The following GPHN variants were observed in gnomAD, a reference collection of about 807,000 sequenced individuals.
GPHN encodes gephyrin.
Under a neutral mutation model 95.5 loss-of-function variants are expected in GPHN, and 17 were observed. The ratio of observed to expected loss-of-function variants is 0.18; its 90% CI spans 0.12 to 0.27. The LOEUF is 0.27. GPHN is among the 10% of genes least tolerant of loss of function. GPHN has a pLI of 1.00. For synonymous variants in GPHN, 320 were observed against 322.5 expected (o/e 0.99, Z 0.08); for missense variants, 660 against 978.1 (o/e 0.67, Z 4.34).
At chr14:67,563,764 T>C in the GPHN span, among the ~76,000 whole-genome samples, 1 of 145,438 alleles carries the variant, frequency 6.9e-6, no homozygotes, top group South Asian at 2.2e-4. Context: ...GACAGAGTCT[T>C]GCTCTGTCAC....
At chr14:67,165,067 A>G in intron 19 of GPHN, 95 bp from the exon 20 acceptor site, 1 of 837,354 alleles carries the variant, frequency 1.2e-6, no homozygotes. Flanking sequence ...TGTTTTTTAT[A>G]TGATAAGTGT....
the GPHN span, chr14:67,690,243 G>A: frequency 5.0e-6 from 8 of 1,613,892 alleles, no homozygotes; most frequent in South Asian, 2.2e-5. Flanking sequence ...CCTGGGTGAA[G>A]AGGATGTTGG....
intron 1 of GPHN, among the ~76,000 whole-genome samples, chr14:66,516,173 ATT>A (rs1415948060): frequency 0.041 from 5,747 of 138,880 alleles, 150 homozygotes; most frequent in Middle Eastern, 0.073. Flanking sequence ...TGCCTGGCTA[ATT>A]TTTTTTTTTT....
the GPHN span, among the ~76,000 whole-genome samples, chr14:67,643,661 AAAAT>A: frequency 6.6e-6 from 1 of 152,118 alleles, no homozygotes; most frequent in Admixed American, 6.6e-5. Context: ...AGGTCTCTTA[AAAAT>A]AAATAAATAA....
At chr14:67,615,104 T>G in the GPHN span, 2 of 152,110 alleles carry the variant, frequency 1.3e-5, no homozygotes, top group Non-Finnish European at 2.9e-5. Context: ...AGAGGCCAAA[T>G]CTCTAGATCC....
the GPHN span, among the ~76,000 whole-genome samples, chr14:67,328,839 C>G: frequency 3.3e-5 from 5 of 152,090 alleles, no homozygotes; most frequent in Non-Finnish European, 5.9e-5. Context: ...TGGTCTGTAT[C>G]TCTGTTTTGG....
chr14:66,927,414 G>A (rs2066540258), intron 8 of GPHN, among the ~76,000 whole-genome samples: 1 of 151,306 alleles, frequency 6.6e-6, no homozygotes, highest in African/African-American at 2.4e-5. Context: ...CCACTTTACT[G>A]AATTTGCTTA....
chr14:66,809,912 A>T (rs2060692934), intron 3 of GPHN, among the ~76,000 whole-genome samples: 1 of 152,092 alleles, frequency 6.6e-6, no homozygotes, highest in Non-Finnish European at 1.5e-5. Flanking sequence ...ACTTAGTATT[A>T]CCATTGTATA....
the GPHN span, chr14:67,706,233 A>G: frequency 6.6e-6 from 1 of 152,386 alleles, no homozygotes; most frequent in Admixed American, 6.5e-5. Context: ...AGCCTGGGCA[A>G]CATAGCAATG....
chr14:67,138,653 T>A (rs1052468821), intron 17 of GPHN, among the ~76,000 whole-genome samples: 1 of 152,136 alleles, frequency 6.6e-6, no homozygotes, highest in Non-Finnish European at 1.5e-5. Context: ...GTTATACTGT[T>A]ATGTTGGAAA....
chr14:66,942,990 A>C (rs900708400), intron 8 of GPHN, among the ~76,000 whole-genome samples: 2 of 152,178 alleles, frequency 1.3e-5, no homozygotes, highest in African/African-American at 4.8e-5. Context: ...ACCCTTTACA[A>C]ATTTTGCAAA....
At chr14:67,354,188 G>A in the GPHN span, among the ~76,000 whole-genome samples, 4 of 152,144 alleles carry the variant, frequency 2.6e-5, no homozygotes, top group African/African-American at 9.7e-5. Context: ...TCTACCATCA[G>A]TGTTCCATAA....
chr14:66,805,988 C>T (rs1261196485), intron 3 of GPHN, among the ~76,000 whole-genome samples: 5 of 152,238 alleles, frequency 3.3e-5, no homozygotes, highest in Non-Finnish European at 7.3e-5. Context: ...TTCTGCACTG[C>T]CCTAGCAGAG....
the GPHN span, among the ~76,000 whole-genome samples, chr14:67,594,290 A>G: frequency 6.6e-4 from 101 of 152,000 alleles, no homozygotes; most frequent in Admixed American, 1.4e-3. Context: ...TCGAGGCTGC[A>G]GTGAGCTATG....
chr14:66,585,554 C>T (rs1381749537), intron 1 of GPHN, among the ~76,000 whole-genome samples: 1 of 152,046 alleles, frequency 6.6e-6, no homozygotes, highest in African/African-American at 2.4e-5. Flanking sequence ...CTACACACTG[C>T]TTTAAATGTG....
At chr14:67,547,550 C>T in the GPHN span, among the ~76,000 whole-genome samples, 1 of 152,162 alleles carries the variant, frequency 6.6e-6, no homozygotes, top group African/African-American at 2.4e-5. Context: ...GGCCAGCCCT[C>T]CCACCCATCT....
intron 4 of GPHN, among the ~76,000 whole-genome samples, chr14:66,844,605 G>A (rs905137731): frequency 7.2e-5 from 11 of 152,014 alleles, no homozygotes; most frequent in African/African-American, 1.7e-4. Context: ...TTAGGGATAC[G>A]GAAAAAGTAT....
the GPHN span, among the ~76,000 whole-genome samples, chr14:67,502,299 C>A: frequency 6.0e-5 from 9 of 151,260 alleles, no homozygotes; most frequent in Non-Finnish European, 1.3e-4. Context: ...CCATTGTACT[C>A]CAGCCTGGGC....
At chr14:67,536,299 C>CCCTTCTCCCAG in the GPHN span, among the ~76,000 whole-genome samples, 3 of 151,810 alleles carry the variant, frequency 2.0e-5, no homozygotes, top group Non-Finnish European at 4.4e-5. Flanking sequence ...TACACTCACA[C>CCCTTCTCCCAG]CCTTCTCCCA....
Sources: gnomAD v4.1 joint callset for allele counts (sites outside exome capture counted in the v4.1 genomes callset) on GRCh38, gnomAD v4.1.1 for gene constraint, MANE v1.5 for transcripts, NCBI Gene and HGNC (gene_info 2026-07-23, HGNC 2026-07-21) for gene names.